The following RPS6KB1 variants were observed in gnomAD, a reference collection of about 807,000 sequenced individuals.
The protein encoded by RPS6KB1 is ribosomal protein S6 kinase beta-1.
A neutral mutation model predicts 70.2 loss-of-function variants in RPS6KB1; 12 were observed. The observed-to-expected ratio is 0.17, with a 90% CI of 0.11 to 0.28. RPS6KB1 has a LOEUF of 0.28. Ranked by LOEUF, RPS6KB1 falls within the 10% of genes least tolerant of loss-of-function variation. RPS6KB1 has a pLI of 1.00. For synonymous variants in RPS6KB1, 175 were observed against 211.2 expected (o/e 0.83, Z 1.49); for missense variants, 270 against 646.6 (o/e 0.42, Z 6.32).
Position 59,893,895 on chromosome 17 carries a change from G to GGGCT in RPS6KB1, c.141+571_141+574dup, listed in dbSNP as rs2041319899. The stretch of plus-strand genomic sequence containing the variant: ...CAGGAGTTTTATTTCGGGAGCAAGG[G>GGGCT]GGCTCTGCTGCATCTTCCAATCTTC... On this transcript the variant is annotated intron_variant, in intron 1 of 14. Coordinates refer to ENST00000225577, the MANE Select transcript of RPS6KB1 (RefSeq NM_003161.4). This position sits in a 1 kb window ranked among gnomAD's most constrained non-coding sequence, Gnocchi z 4.1. 2.0e-6 allele frequency: 2 copies of GGGCT among 985,114 alleles called. No homozygotes were observed. Among genetic ancestry groups the GGGCT allele is most frequent in the Non-Finnish European group, 2.4e-6 (2 of 829,966 alleles). The allele number at this position is 985,114 out of a possible 1,614,324, so 61.0% of individuals were successfully genotyped here.
In RPS6KB1 at chr17:59,914,763, C is replaced by T. The variant is rs2042841582; in HGVS notation, c.381+60C>T. The T allele has an allele frequency of 2.4e-6, 3 of 1,224,772 alleles. No homozygotes were observed. The African/African-American group carries it at 4.6e-5, about 19-fold the overall frequency. 75.9% of individuals were successfully genotyped at this position (1,224,772 alleles called of 1,614,324 possible). A position where few individuals can be genotyped will look rare whatever the true frequency, so the allele number is the denominator to read the frequency against. ...CCATATTTTTACACTTGATCTCAGCCAAAAGGCTGGGAAGCAATCATATCA... is the reference window on the plus strand; with the variant it reads ...CCATATTTTTACACTTGATCTCAGCTAAAAGGCTGGGAAGCAATCATATCA... On this transcript the variant is annotated intron_variant, in intron 4 of 14. Transcript: ENST00000225577.
chr17:59,938,586 T>C (rs1286449377), intron 12 of RPS6KB1, among the ~76,000 whole-genome samples: 1 of 152,164 alleles, frequency 6.6e-6, no homozygotes, highest in Non-Finnish European at 1.5e-5. Context: ...TCATTGACCA[T>C]GTTCATCTGT....
intron 4 of RPS6KB1, among the ~76,000 whole-genome samples, chr17:59,925,897 C>CT (rs1299093708): frequency 6.6e-6 from 1 of 152,138 alleles, no homozygotes; most frequent in Non-Finnish European, 1.5e-5. Flanking sequence ...CCTCCTGCCT[C>CT]TGCCCACCTA....
At chr17:59,904,453 G>A (rs945386522) in intron 1 of RPS6KB1, among the ~76,000 whole-genome samples, 3 of 151,574 alleles carry the variant, frequency 2.0e-5, no homozygotes, top group African/African-American at 7.3e-5. Flanking sequence ...GAGTGCAGTG[G>A]CGCCATCTCT....
At chr17:59,919,288 G>C (rs944166883) in intron 4 of RPS6KB1, among the ~76,000 whole-genome samples, 5 of 152,114 alleles carry the variant, frequency 3.3e-5, no homozygotes, top group African/African-American at 1.2e-4. Flanking sequence ...ACTTTCGGAG[G>C]CTGAGGCAGG....
intron 4 of RPS6KB1, among the ~76,000 whole-genome samples, chr17:59,923,995 G>C (rs542210332): frequency 6.6e-6 from 1 of 152,216 alleles, no homozygotes; most frequent in South Asian, 2.1e-4. Context: ...TTTTTTGTGT[G>C]CTTACATATA....
intron 1 of RPS6KB1, among the ~76,000 whole-genome samples, chr17:59,910,008 T>C (rs2042536985): frequency 6.7e-6 from 1 of 150,330 alleles, no homozygotes; most frequent in Non-Finnish European, 1.5e-5. Flanking sequence ...CAAGACTCCA[T>C]CTCAAAAAAT....
At chr17:59,926,403 T>G (rs1391853755) in intron 4 of RPS6KB1, 32 bp from the exon 5 acceptor site, 1 of 1,478,836 alleles carries the variant, frequency 6.8e-7, no homozygotes, top group Admixed American at 2.0e-5. Flanking sequence ...TGTTCACTAT[T>G]TTGTTCTTAT....
At chr17:59,921,279 T>C (rs2043250360) in intron 4 of RPS6KB1, among the ~76,000 whole-genome samples, 1 of 152,118 alleles carries the variant, frequency 6.6e-6, no homozygotes, top group Non-Finnish European at 1.5e-5. Context: ...TGGTTGCCAT[T>C]GTTTCCCATT....
At chr17:59,903,348 A>C (rs1185424436) in intron 1 of RPS6KB1, among the ~76,000 whole-genome samples, 1 of 150,940 alleles carries the variant, frequency 6.6e-6, no homozygotes, top group Non-Finnish European at 1.5e-5. Context: ...GGTGCTATGC[A>C]CTTGTAGTCC....
chr17:59,905,598 G>A (rs1422303064), intron 1 of RPS6KB1, among the ~76,000 whole-genome samples: 1 of 150,906 alleles, frequency 6.6e-6, no homozygotes, highest in African/African-American at 2.4e-5. Context: ...TCCGCCTCCT[G>A]GATTCAAGCA....
Position 59,934,032 on chromosome 17 carries a change from C to T in RPS6KB1, c.689-138C>T, listed in dbSNP as rs2044098344. Reference sequence around the variant, plus strand: ...TAGCATCCCATTTTATGGATGGTACCTTGTTCTTGACATCTGCAAGAAAAT... The same window carrying T: ...TAGCATCCCATTTTATGGATGGTACTTTGTTCTTGACATCTGCAAGAAAAT... On this transcript the variant is annotated intron_variant, in intron 7 of 14. Coordinates refer to ENST00000225577, the MANE Select transcript of RPS6KB1 (RefSeq NM_003161.4). The surrounding 1 kb of genome is among the most constrained non-coding windows in gnomAD (Gnocchi z 4.8). 4.6e-6 allele frequency: 3 copies of T among 656,854 alleles called. No individual in the cohort carries two copies. Among genetic ancestry groups the T allele is most frequent in the African/African-American group, 3.6e-5 (2 of 55,016 alleles). 40.7% of individuals were successfully genotyped at this position (656,854 alleles called of 1,614,324 possible).
intron 12 of RPS6KB1, among the ~76,000 whole-genome samples, chr17:59,939,562 A>G (rs2044458357): frequency 6.6e-6 from 1 of 152,244 alleles, no homozygotes; most frequent in Non-Finnish European, 1.5e-5. Flanking sequence ...GATGATAGGC[A>G]TGAGCCACTG....
At chr17:59,935,338 A>C in intron 10 of RPS6KB1, 38 bp downstream of exon 10, 1 of 1,072,188 alleles carries the variant, frequency 9.3e-7, no homozygotes, top group Non-Finnish European at 1.4e-6. Context: ...TACAAGATTC[A>C]ATGACTAGGA....
intron 13 of RPS6KB1, among the ~76,000 whole-genome samples, chr17:59,941,919 C>T (rs1450843220): frequency 1.3e-4 from 20 of 148,246 alleles, no homozygotes; most frequent in South Asian, 4.2e-4. Flanking sequence ...AGTGCAGTGG[C>T]GCAATCTCAG....
intron 13 of RPS6KB1, among the ~76,000 whole-genome samples, chr17:59,944,049 C>T (rs2044778182): frequency 6.6e-6 from 1 of 151,796 alleles, no homozygotes; most frequent in African/African-American, 2.4e-5. Context: ...AGAGGAAATT[C>T]AAAGATGATT....
chr17:59,912,880 A>G (rs2042731325), intron 3 of RPS6KB1, 76 bp downstream of exon 3: 1 of 1,487,850 alleles, frequency 6.7e-7, no homozygotes, highest in Non-Finnish European at 9.3e-7. Flanking sequence ...TCCAGCAGTC[A>G]TCTTCAGTCT....
chr17:59,895,610 C>T (rs1040474073), intron 1 of RPS6KB1, among the ~76,000 whole-genome samples: 3 of 151,874 alleles, frequency 2.0e-5, no homozygotes, highest in Admixed American at 6.6e-5. Context: ...GTGTGAGCCA[C>T]CCCACCAGGC....
chr17:59,942,512 G>T (rs1160431797), intron 13 of RPS6KB1, among the ~76,000 whole-genome samples: 1 of 151,960 alleles, frequency 6.6e-6, no homozygotes, highest in African/African-American at 2.4e-5. Flanking sequence ...ATCTCATTTT[G>T]TATCCTTTTT....
Sources: gnomAD v4.1 joint callset for allele counts (sites outside exome capture counted in the v4.1 genomes callset) on GRCh38, gnomAD v4.1.1 for gene constraint, Gnocchi (gnomAD v3.1) non-coding constraint, MANE v1.5 for transcripts, NCBI Gene and HGNC (gene_info 2026-07-23, HGNC 2026-07-21) for gene names.